HSPG2: variants seen among roughly 807,000 people sequenced by gnomAD.
HSPG2 encodes heparan sulfate proteoglycan 2, also known as basement membrane-specific heparan sulfate proteoglycan core protein.
A neutral mutation model predicts 526.6 loss-of-function variants in HSPG2; 278 were observed. The observed-to-expected ratio is 0.53, with a 90% CI of 0.48 to 0.58. HSPG2 has a LOEUF of 0.58. Among genes scored for constraint, HSPG2 ranks in the 20% least tolerant of loss-of-function variants. The pLI, the probability that HSPG2 is intolerant of heterozygous loss-of-function variation, is 0.00. For synonymous variants in HSPG2, 2,465 were observed against 2,555.4 expected (o/e 0.96, Z 1.07); for missense variants, 5,354 against 6,099.5 (o/e 0.88, Z 4.07).
In HSPG2 at chr1:21,935,055, C is replaced by G. The variant is rs562077823; in HGVS notation, c.63+2100G>C. Among the ~76,000 whole-genome samples the G allele has an allele frequency of 4.6e-5, 7 of 151,962 alleles. No homozygotes were observed. In the East Asian group the frequency reaches 1.4e-3, roughly 30 times the overall value. ...CCGAGTAGTTGGGATTACAAGCATGCGCCACCACACCCGTCTAATTTTTGT... is the reference window on the plus strand; with the variant it reads ...CCGAGTAGTTGGGATTACAAGCATGGGCCACCACACCCGTCTAATTTTTGT... On this transcript the variant is annotated intron_variant, in intron 1 of 96. Transcript: ENST00000374695.
At chr1:21,902,297 G>A (rs1643145087) in intron 1 of HSPG2, among the ~76,000 whole-genome samples, 1 of 152,208 alleles carries the variant, frequency 6.6e-6, no homozygotes, top group African/African-American at 2.4e-5. Flanking sequence ...TTCTCACACA[G>A]GGGCCCCCAA....
At chr1:21,900,747 C>T (rs371604391) in intron 1 of HSPG2, among the ~76,000 whole-genome samples, 4 of 152,138 alleles carry the variant, frequency 2.6e-5, no homozygotes, top group East Asian at 1.9e-4. Flanking sequence ...TAGCCCAGCG[C>T]GGTGGTGCAT....
At chr1:21,878,845 C>G in intron 18 of HSPG2, 149 bp downstream of exon 18, 1 of 1,236,350 alleles carries the variant, frequency 8.1e-7, no homozygotes, top group South Asian at 1.3e-5. Context: ...GAAAAGGAAA[C>G]AGAGGCCTAG....
chr1:21,908,518 G>A (rs1208628832), intron 1 of HSPG2: 1 of 958,912 alleles, frequency 1.0e-6, no homozygotes, highest in African/African-American at 1.6e-5. Context: ...AGCACACTTT[G>A]TGAGAACCAA....
chr1:21,914,645 A>G (rs866217833), intron 1 of HSPG2, among the ~76,000 whole-genome samples: 1 of 152,122 alleles, frequency 6.6e-6, no homozygotes, highest in South Asian at 2.1e-4. Context: ...GTGATCTCAG[A>G]CCAGCTGCAG....
At chr1:21,933,691 G>A (rs916408402) in intron 1 of HSPG2, among the ~76,000 whole-genome samples, 8 of 152,192 alleles carry the variant, frequency 5.3e-5, no homozygotes, top group African/African-American at 1.9e-4. Flanking sequence ...CCTAAGGGAT[G>A]GGGGGGTGGT....
At chr1:21,840,777 C>A (rs896869243) in intron 71 of HSPG2, among the ~76,000 whole-genome samples, 1 of 152,170 alleles carries the variant, frequency 6.6e-6, no homozygotes, top group Non-Finnish European at 1.5e-5. Flanking sequence ...CAGGCACGTG[C>A]CACCATGCCT....
At position 21,937,231 on chromosome 1, in the gene HSPG2, C is replaced by T. The variant is rs1644514287; in HGVS notation, c.-14G>A. ...CCGCCACCCCATGGCCCGGCCCGCG[C>T]CGCTCTCTCGCTCGCTCGCTCCGCG... On this transcript the variant is annotated 5_prime_UTR_variant, in exon 1 of 97. Transcript: ENST00000374695. The T allele has an allele frequency of 4.0e-6, 4 of 991,072 alleles. No homozygotes were observed. The highest frequency in any genetic ancestry group is 4.8e-6 in the Non-Finnish European group (4 of 827,332). The allele number at this position is 991,072 out of a possible 1,614,324, so 61.4% of individuals were successfully genotyped here.
Position 21,824,796 on chromosome 1 carries a change from G to A in HSPG2, c.12590-17C>T, listed in dbSNP as rs1373210124. The A allele has an allele frequency of 5.6e-6, 9 of 1,606,102 alleles. No homozygotes were observed. The highest frequency in any genetic ancestry group is 7.7e-6 in the Non-Finnish European group (9 of 1,175,746). On this transcript the variant is annotated splice_polypyrimidine_tract_variant and intron_variant, in intron 91 of 96. Coordinates refer to ENST00000374695, the MANE Select transcript of HSPG2 (RefSeq NM_005529.7). This position sits in a 1 kb window ranked among gnomAD's most constrained non-coding sequence, Gnocchi z 5.9. ...CAGGGGCATCTGTGGGAGAGAGGAG[G>A]GTGGTGCCATACCTGCTGCATCAGG...
chr1:21,842,985 G>A lies in HSPG2; in HGVS notation c.8759-64C>T, dbSNP rs543240735. On this transcript the variant is annotated intron_variant, in intron 66 of 96. Transcript: ENST00000374695. Reference sequence around the variant, plus strand: ...GGGGATCAAGGCAGGGGCTGAAGGTGGTGGCAGTGAAGACCAGCTCCAGTT... The same window carrying A: ...GGGGATCAAGGCAGGGGCTGAAGGTAGTGGCAGTGAAGACCAGCTCCAGTT... The A allele has an allele frequency of 1.7e-5, 27 of 1,588,496 alleles. No homozygotes were observed. The South Asian group carries it at 3.0e-4, about 18-fold the overall frequency.
rs1187234263 is a variant in HSPG2, at chr1:21,846,117, G to A, written c.8455C>T (p.His2819Tyr). The change falls in exon 64 of 97, where the codon CAC (histidine) becomes TAC (tyrosine). Residue 2819 changes from histidine (H) to tyrosine (Y), a missense_variant. By Grantham distance (83) the His-to-Tyr change is moderately conservative. Coordinates refer to ENST00000374695, the MANE Select transcript of HSPG2 (RefSeq NM_005529.7). The stretch of plus-strand genomic sequence containing the variant: ...CTGCAGGGACCCTCACCGGGGACGT[G>A]GACAGCACTTGAGCCAGAGGCTTCG... ...TIEASGSSAV[H>Y]VPAPGGAPPI... 6.2e-7 allele frequency: 1 copy of A among 1,612,602 alleles called. No homozygotes were observed. The highest frequency in any genetic ancestry group is 1.7e-5 in the Admixed American group (1 of 60,012).
At chr1:21,835,669 G>T in intron 75 of HSPG2, 32 bp from the exon 76 acceptor site, 1 of 1,527,508 alleles carries the variant, frequency 6.5e-7, no homozygotes, top group Non-Finnish European at 9.1e-7. Flanking sequence ...ACATCAGGGA[G>T]TTGAAAACAA....
Position 21,873,979 on chromosome 1 carries a change from C to T in HSPG2, c.3689G>A (p.Gly1230Asp). ...GGAGCACGCATCACAGGTGGGGTGGCCGTCTGTGTCCAGAAAACAAGTGTG... is the reference window on the plus strand; with the variant it reads ...GGAGCACGCATCACAGGTGGGGTGGTCGTCTGTGTCCAGAAAACAAGTGTG... ...AAHTCFLDTDGHPTCDACSPG... is the reference protein window; with the variant it reads ...AAHTCFLDTDDHPTCDACSPG... Residue 1230 changes from glycine (G) to aspartate (D), a missense_variant, in exon 29 of 97, where the codon GGC (glycine) becomes GAC (aspartate). Transcript: ENST00000374695. 1.9e-6 allele frequency: 3 copies of T among 1,606,438 alleles called. No individual in the cohort carries two copies. Among genetic ancestry groups the T allele is most frequent in the Non-Finnish European group, 2.6e-6 (3 of 1,176,312 alleles).
At chr1:21,900,765 G>C (rs1363225708) in intron 1 of HSPG2, among the ~76,000 whole-genome samples, 1 of 152,064 alleles carries the variant, frequency 6.6e-6, no homozygotes, top group African/African-American at 2.4e-5. Context: ...CATGCCTATA[G>C]TCCCAACTAC....
intron 33 of HSPG2, among the ~76,000 whole-genome samples, chr1:21,868,314 A>G (rs1485168552): frequency 6.6e-6 from 1 of 152,208 alleles, no homozygotes. Context: ...TTGGGATTAC[A>G]GGTGTGAGCC....
intron 77 of HSPG2, among the ~76,000 whole-genome samples, chr1:21,834,288 A>G (rs969231247): frequency 6.6e-6 from 1 of 152,190 alleles, no homozygotes; most frequent in African/African-American, 2.4e-5. Context: ...TAAAGAACAC[A>G]CAGTGTTTGT....
At chr1:21,871,025 C>T (rs1295918183) in intron 33 of HSPG2, among the ~76,000 whole-genome samples, 1 of 152,170 alleles carries the variant, frequency 6.6e-6, no homozygotes, top group African/African-American at 2.4e-5. Context: ...GCCTGGAGTA[C>T]CTGGCTGTGT....
At position 21,847,869 on chromosome 1, in the gene HSPG2, G is replaced by A; in HGVS notation, c.7874-29C>T. 1 of 1,613,860 alleles carries A rather than the reference G, an allele frequency of 6.2e-7. No individual in the cohort carries two copies. Among genetic ancestry groups the A allele is most frequent in the Non-Finnish European group, 8.5e-7 (1 of 1,180,018 alleles). ...GGGACAGACGGGTGTGGACCACGCA[G>A]CCAGAGTGAGATAACAGTGATGGCA... On this transcript the variant is annotated intron_variant, in intron 60 of 96. Transcript: ENST00000374695. The surrounding 1 kb of genome is among the most constrained non-coding windows in gnomAD (Gnocchi z 4.1).
chr1:21,870,900 A>G, intron 33 of HSPG2: 3 of 986,062 alleles, frequency 3.0e-6, no homozygotes, highest in Non-Finnish European at 3.6e-6. Context: ...ATGCCAGGAC[A>G]GGAGACAGAG....
Sources: allele counts gnomAD v4.1 joint callset (sites outside exome capture counted in the v4.1 genomes callset), GRCh38; gene constraint gnomAD v4.1.1; non-coding constraint Gnocchi (gnomAD v3.1); transcripts MANE v1.5; gene names NCBI Gene and HGNC (gene_info 2026-07-23, HGNC 2026-07-21).